Variants in EPHA6 observed in about 807,000 individuals in gnomAD.
EPHA6 encodes the protein EPH receptor A6, also known as ephrin type-A receptor 6.
In EPHA6, 50 loss-of-function variants were observed where a neutral mutation model predicts 112.0. The ratio of observed to expected loss-of-function variants is 0.45; its 90% confidence interval spans 0.36 to 0.56. EPHA6 has a LOEUF of 0.56. EPHA6 is among the 20% of genes least tolerant of loss of function. The probability of loss-of-function intolerance (pLI) is 0.00; values close to 1 mark genes in which losing one functional copy is unlikely to be tolerated. For missense variants in EPHA6, 1,280 were observed against 1,417.4 expected, an observed-to-expected ratio of 0.90 and a Z score of 1.56; for synonymous variants, 529 against 490.7, an observed-to-expected ratio of 1.08 and a Z score of -1.03.
chr3:97,277,746 TAG>T (rs1333098634), intron 5 of EPHA6, among the ~76,000 whole-genome samples: 1 of 152,146 alleles, frequency 6.6e-6, no homozygotes, highest in Non-Finnish European at 1.5e-5. Context: ...TACACATATA[TAG>T]AGCAATTATG....
chr3:97,642,099 G>T (rs1040969744), intron 14 of EPHA6, among the ~76,000 whole-genome samples: 2 of 141,298 alleles, frequency 1.4e-5, no homozygotes, highest in South Asian at 4.9e-4. Flanking sequence ...ATCTGAGAAC[G>T]GGCAGACTGC....
intron 3 of EPHA6, among the ~76,000 whole-genome samples, chr3:97,050,827 A>G (rs2045662638): frequency 6.6e-6 from 1 of 152,200 alleles, no homozygotes; most frequent in Non-Finnish European, 1.5e-5. Flanking sequence ...TAGGTAGAGA[A>G]GTTTACCATG....
intron 13 of EPHA6, among the ~76,000 whole-genome samples, chr3:97,627,659 GAAT>G (rs1043705087): frequency 1.3e-5 from 2 of 151,670 alleles, no homozygotes; most frequent in African/African-American, 4.8e-5. Context: ...TCTGCAGTTA[GAAT>G]AATAAAATAT....
intron 6 of EPHA6, among the ~76,000 whole-genome samples, chr3:97,418,230 A>G (rs2088296124): frequency 6.6e-6 from 1 of 151,650 alleles, no homozygotes; most frequent in Non-Finnish European, 1.5e-5. Context: ...AATAAATGAT[A>G]CTAATAATTA....
chr3:97,153,516 A>T (rs1355363563), intron 3 of EPHA6, among the ~76,000 whole-genome samples: 1 of 152,134 alleles, frequency 6.6e-6, no homozygotes, highest in Non-Finnish European at 1.5e-5. Context: ...CATATTTTAA[A>T]TAAGTAATCT....
intron 16 of EPHA6, among the ~76,000 whole-genome samples, chr3:97,738,874 G>C (rs936280579): frequency 6.6e-6 from 1 of 152,052 alleles, no homozygotes; most frequent in Admixed American, 6.6e-5. Flanking sequence ...GAAACAAAAA[G>C]AATCAGTGTT....
intron 2 of EPHA6, among the ~76,000 whole-genome samples, chr3:96,908,157 T>C (rs1193851056): frequency 6.6e-6 from 1 of 152,004 alleles, no homozygotes; most frequent in Non-Finnish European, 1.5e-5. Context: ...ATATGCACAA[T>C]GTAAAATGGT....
rs546468522 is a variant in EPHA6, at chr3:97,211,908, T to C, written c.1115-14356T>C. Among the ~76,000 whole-genome samples the C allele has an allele frequency of 4.5e-4, 69 of 152,340 alleles. No individual in the cohort carries two copies. The South Asian group carries it at 9.7e-3, about 21-fold the overall frequency. On this transcript the variant is annotated intron_variant, in intron 3 of 17. Transcript: ENST00000389672. ...AATTTTTGTAAGAATAACCAAAATA[T>C]TATATGCAAAGTGCTTATCAAAGTG... is the stretch of plus-strand genomic sequence containing the variant.
chr3:97,041,280 A>G (rs2045304832), intron 3 of EPHA6, among the ~76,000 whole-genome samples: 1 of 151,828 alleles, frequency 6.6e-6, no homozygotes, highest in Non-Finnish European at 1.5e-5. Context: ...TTGACCATTT[A>G]TTTATCCCTT....
intron 5 of EPHA6, among the ~76,000 whole-genome samples, chr3:97,286,716 T>TAAC (rs966019634): frequency 2.4e-4 from 36 of 151,888 alleles, no homozygotes; most frequent in African/African-American, 6.8e-4. Flanking sequence ...ATTGCTTTGG[T>TAAC]AACTTGGACT....
intron 14 of EPHA6, among the ~76,000 whole-genome samples, chr3:97,717,496 T>C (rs2034301829): frequency 1.3e-5 from 2 of 152,208 alleles, no homozygotes; most frequent in South Asian, 2.1e-4. Context: ...CCCCACTCTG[T>C]GGCTTACAGA....
At chr3:96,982,533 T>C (rs1257698448) in intron 2 of EPHA6, among the ~76,000 whole-genome samples, 4 of 152,224 alleles carry the variant, frequency 2.6e-5, no homozygotes, top group African/African-American at 9.7e-5. Context: ...TATATTCTGT[T>C]GATTTGGGAT....
intron 2 of EPHA6, among the ~76,000 whole-genome samples, chr3:96,945,705 A>AAT (rs913179477): frequency 2.8e-4 from 42 of 152,154 alleles, no homozygotes; most frequent in African/African-American, 8.2e-4. Context: ...TGATGAAAAA[A>AAT]ATATATATAT....
chr3:97,703,540 A>G (rs1185040825), intron 14 of EPHA6, among the ~76,000 whole-genome samples: 3 of 152,178 alleles, frequency 2.0e-5, no homozygotes, highest in Non-Finnish European at 4.4e-5. Flanking sequence ...AGCAACTTAC[A>G]CATCATATAA....
intron 1 of EPHA6, among the ~76,000 whole-genome samples, chr3:96,843,495 A>G (rs1432844690): frequency 2.6e-5 from 4 of 151,140 alleles, no homozygotes; most frequent in African/African-American, 9.9e-5. Flanking sequence ...AGCTTAGGTT[A>G]GTTAGGAAGA....
rs372603894 is a variant in EPHA6 at position 97,001,416 on chromosome 3, A to T, written c.1114+13423A>T. On this transcript the variant is annotated intron_variant, in intron 3 of 17. Coordinates refer to ENST00000389672, the MANE Select transcript of EPHA6 (RefSeq NM_001080448.3). Reference sequence around the variant, plus strand: ...TCGTAATATTTTTGAGTCCTTTGAGACAATAGCTTTACAAAAATTTAAGAA... The same window carrying T: ...TCGTAATATTTTTGAGTCCTTTGAGTCAATAGCTTTACAAAAATTTAAGAA... 5.0e-4 allele frequency among the ~76,000 whole-genome samples: 76 copies of T among 152,082 alleles called. No individual in the cohort carries two copies. The South Asian group carries it at 0.015, about 29-fold the overall frequency.
chr3:97,189,214 C>A (rs2077235644), intron 3 of EPHA6, among the ~76,000 whole-genome samples: 1 of 151,912 alleles, frequency 6.6e-6, no homozygotes, highest in Admixed American at 6.6e-5. Context: ...TTTCAGGCTT[C>A]ATTGAAACTT....
At chr3:97,065,031 T>C (rs1039926387) in intron 3 of EPHA6, among the ~76,000 whole-genome samples, 2 of 152,110 alleles carry the variant, frequency 1.3e-5, no homozygotes, top group African/African-American at 4.8e-5. Flanking sequence ...TTTTGAAAAA[T>C]TTGCTGCCGA....
At chr3:97,612,294 T>C (rs1381406775) in intron 13 of EPHA6, 2 of 329,766 alleles carry the variant, frequency 6.1e-6, no homozygotes, top group Non-Finnish European at 1.2e-5. Flanking sequence ...TCTTATCAGA[T>C]ACATATCAAA....
Sources: gnomAD v4.1 joint callset for allele counts (sites outside exome capture counted in the v4.1 genomes callset) on GRCh38, gnomAD v4.1.1 for gene constraint, MANE v1.5 for transcripts, NCBI Gene and HGNC (gene_info 2026-07-23, HGNC 2026-07-21) for gene names.